RAD52: variants seen among roughly 807,000 people sequenced by gnomAD.
The protein encoded by RAD52 is RAD52 DNA repair protein.
Under a neutral mutation model 55.5 loss-of-function variants are expected in RAD52, and 47 were observed. The ratio of observed to expected loss-of-function variants is 0.85; its 90% confidence interval spans 0.67 to 1.08. The LOEUF is 1.08. Ranked by LOEUF, RAD52 falls within the 50% of genes least tolerant of loss-of-function variation. The pLI is 0.00. For missense variants in RAD52, 468 were observed against 522.8 expected (o/e 0.90, Z 1.02); for synonymous variants, 184 against 198.9 (o/e 0.92, Z 0.63).
chr12:950,020 G>A (rs1410823429), upstream of RAD52, among the ~76,000 whole-genome samples: 4 of 152,208 alleles, frequency 2.6e-5, no homozygotes, highest in Non-Finnish European at 5.9e-5. Context: ...TTAGGCCCGG[G>A]TGGTTCACAC....
At chr12:923,245 A>G (rs1367607475) in intron 7 of RAD52, among the ~76,000 whole-genome samples, 2 of 151,944 alleles carry the variant, frequency 1.3e-5, no homozygotes, top group Middle Eastern at 3.2e-3. Context: ...CCCCAAAAAA[A>G]GTTAATTAGC....
chr12:987,561 C>CTT (rs201062804), intron 1 of RAD52, among the ~76,000 whole-genome samples: 5 of 140,016 alleles, frequency 3.6e-5, no homozygotes, highest in Admixed American at 7.0e-5. Flanking sequence ...TTATTGTTTT[C>CTT]TTTTTTTTTT....
chr12:915,802 C>G lies in RAD52; in HGVS notation c.865+542G>C, dbSNP rs1233556895. 4.1e-4 allele frequency among the ~76,000 whole-genome samples: 62 copies of G among 152,182 alleles called. 1 individual carries two copies. On this transcript the variant is annotated intron_variant, in intron 9 of 11. Coordinates refer to ENST00000358495, the MANE Select transcript of RAD52 (RefSeq NM_134424.4). Reference sequence around the variant, plus strand: ...GCACGATCTTGGTTCACTGCAACCTCTGCCTTCTGGATTCAAGCAATTCTG... The same window carrying G: ...GCACGATCTTGGTTCACTGCAACCTGTGCCTTCTGGATTCAAGCAATTCTG...
At chr12:966,813 A>G (rs1958776758) in intron 1 of RAD52, among the ~76,000 whole-genome samples, 1 of 152,094 alleles carries the variant, frequency 6.6e-6, no homozygotes, top group Non-Finnish European at 1.5e-5. Context: ...TATGTTAGAC[A>G]TTAATAAAAA....
At chr12:913,701 T>C (rs1019040648) in intron 11 of RAD52, among the ~76,000 whole-genome samples, 193 bp downstream of exon 11, 1 of 152,162 alleles carries the variant, frequency 6.6e-6, no homozygotes, top group African/African-American at 2.4e-5. Context: ...TGAAAAGGGC[T>C]GCACCTGAAG....
intron 1 of RAD52, among the ~76,000 whole-genome samples, chr12:988,012 A>T (rs57181034): frequency 0.1 from 15,228 of 151,872 alleles, 1,421 homozygotes; most frequent in African/African-American, 0.25. Flanking sequence ...TTGCTCTGTC[A>T]CCCAGGCTGG....
chr12:939,109 G>C (rs989854103), intron 1 of RAD52, among the ~76,000 whole-genome samples: 4 of 148,482 alleles, frequency 2.7e-5, no homozygotes, highest in African/African-American at 1.0e-4. Context: ...AAGGCAAGTA[G>C]ATAAAGCAAA....
Position 916,640 on chromosome 12 carries a change from G to A in RAD52, c.724C>T (p.Arg242Ter), listed in dbSNP as rs746553449. 3.1e-6 allele frequency: 5 copies of A among 1,612,460 alleles called. No individual in the cohort carries two copies. The highest frequency in any genetic ancestry group is 8.5e-7 in the Non-Finnish European group (1 of 1,178,854). Residue 242 changes from arginine (R) to a stop codon, truncating the protein, a stop_gained and splice_region_variant, in exon 8 of 12, where the codon CGA becomes TGA. Coordinates refer to ENST00000358495, the MANE Select transcript of RAD52 (RefSeq NM_134424.4). LOFTEE classifies it high-confidence loss of function. ...VIPADQDCSS[R>*]SLSSSAVESE... ...AAGGAGGGGACTTAGGCCGCATACC[G>A]GGAGCTGCAGTCCTGGTCCGCCGGT...
upstream of RAD52, among the ~76,000 whole-genome samples, chr12:953,363 T>A (rs531857702): frequency 6.6e-6 from 1 of 151,886 alleles, no homozygotes; most frequent in African/African-American, 2.4e-5. Context: ...GGCAGCCCTC[T>A]GAAGATGGAG....
intron 1 of RAD52, among the ~76,000 whole-genome samples, chr12:960,390 T>C (rs970740940): frequency 2.0e-5 from 3 of 152,192 alleles, no homozygotes; most frequent in African/African-American, 4.8e-5. Context: ...GTTTTTCACT[T>C]GAGTAACCGA....
chr12:972,963 G>A (rs1051864485), intron 1 of RAD52, among the ~76,000 whole-genome samples: 2 of 151,680 alleles, frequency 1.3e-5, no homozygotes, highest in Admixed American at 1.3e-4. Flanking sequence ...TACTCCGAGT[G>A]AGACTGGAAG....
intron 1 of RAD52, among the ~76,000 whole-genome samples, chr12:934,465 A>C (rs1592391620): frequency 9.9e-3 from 2 of 202 alleles, no homozygotes; most frequent in South Asian, 0.33. Context: ...CATCTCAAAA[A>C]AAAAAAAAAA....
intron 7 of RAD52, among the ~76,000 whole-genome samples, chr12:918,264 C>A (rs1275342348): frequency 6.6e-6 from 1 of 152,210 alleles, no homozygotes. Context: ...GAAAATTATA[C>A]AGCAATGAAA....
At position 959,513 on chromosome 12, in the gene RAD52, C is replaced by T. The variant is rs147998146; in HGVS notation, c.-18-26437G>A. On this transcript the variant is annotated intron_variant, in intron 1 of 11. Transcript: ENST00000430095. ...GACAATGACTTTATGTCGATAACTG[C>T]GTGACAAGAAAAAGCCAATCATGGC... is the stretch of plus-strand genomic sequence containing the variant. Among the ~76,000 whole-genome samples the T allele has an allele frequency of 3.6e-3, 546 of 152,228 alleles. 1 individual carries two copies. Among genetic ancestry groups the T allele is most frequent in the African/African-American group, 0.012 (519 of 41,532 alleles).
intron 7 of RAD52, among the ~76,000 whole-genome samples, chr12:923,513 T>A (rs1022658893): frequency 2.7e-5 from 4 of 150,588 alleles, no homozygotes; most frequent in African/African-American, 9.8e-5. Flanking sequence ...TGAATTATGA[T>A]GGCACTCCTG....
chr12:970,951 A>AT (rs1219626343), intron 1 of RAD52, among the ~76,000 whole-genome samples: 1 of 152,076 alleles, frequency 6.6e-6, no homozygotes, highest in Non-Finnish European at 1.5e-5. Flanking sequence ...TCGATACTTG[A>AT]TTGTGTTATA....
intron 2 of RAD52, among the ~76,000 whole-genome samples, 153 bp downstream of exon 2, chr12:932,820 CGT>C: frequency 1.2e-5 from 1 of 86,202 alleles, no homozygotes; most frequent in East Asian, 3.0e-4. Flanking sequence ...TGCTCACACA[CGT>C]ACTAGGTAAA....
intron 1 of RAD52, among the ~76,000 whole-genome samples, chr12:971,680 T>G (rs1009900721): frequency 3.4e-4 from 51 of 152,216 alleles, no homozygotes; most frequent in Admixed American, 1.3e-4. Context: ...AGTTTAAAAG[T>G]ACAATGCCTA....
chr12:966,049 T>C (rs1958762691), intron 1 of RAD52, among the ~76,000 whole-genome samples: 1 of 152,072 alleles, frequency 6.6e-6, no homozygotes, highest in Non-Finnish European at 1.5e-5. Flanking sequence ...CGATCATGGC[T>C]CACTGCAGCC....
Sources: allele counts gnomAD v4.1 joint callset (sites outside exome capture counted in the v4.1 genomes callset), GRCh38; gene constraint gnomAD v4.1.1; transcripts MANE v1.5; gene names NCBI Gene and HGNC (gene_info 2026-07-23, HGNC 2026-07-21).